Variants in CNTNAP2 observed in about 807,000 individuals in gnomAD.
CNTNAP2 encodes the protein contactin associated protein 2.
CNTNAP2 carries 98 observed loss-of-function variants against 155.2 expected under a neutral mutation model. The ratio of observed to expected loss-of-function variants is 0.63; its 90% confidence interval spans 0.54 to 0.75. The LOEUF (loss-of-function observed/expected upper bound fraction) is 0.75, where lower values mean the gene tolerates loss of function less well. Among genes scored for constraint, CNTNAP2 ranks in the 30% least tolerant of loss-of-function variants. The pLI, the probability that CNTNAP2 is intolerant of heterozygous loss-of-function variation, is 0.00. For synonymous variants in CNTNAP2, 651 were observed against 631.2 expected (o/e 1.03, Z -0.47); for missense variants, 1,727 against 1,688.1 (o/e 1.02, Z -0.40).
chr7:146,346,483 A>G (rs1269069826), intron 1 of CNTNAP2, among the ~76,000 whole-genome samples: 1 of 152,168 alleles, frequency 6.6e-6, no homozygotes, highest in Non-Finnish European at 1.5e-5. Context: ...GGAGTTCAAA[A>G]TCAGCCTGAC....
chr7:146,712,171 A>T (rs140193492), intron 1 of CNTNAP2, among the ~76,000 whole-genome samples: 10,622 of 100,280 alleles, frequency 0.11, 2,401 homozygotes, highest in African/African-American at 0.49. Context: ...TATGTATACA[A>T]ATATGTATAC....
At chr7:147,746,063 T>A (rs1797037813) in intron 13 of CNTNAP2, among the ~76,000 whole-genome samples, 2 of 152,190 alleles carry the variant, frequency 1.3e-5, no homozygotes, top group Non-Finnish European at 2.9e-5. Context: ...CAGGGTCAAA[T>A]ATGCAGGTTC....
intron 2 of CNTNAP2, among the ~76,000 whole-genome samples, chr7:146,834,640 A>G (rs145113864): frequency 9.2e-5 from 14 of 152,322 alleles, no homozygotes; most frequent in African/African-American, 3.4e-4. Flanking sequence ...TTACTTCAAC[A>G]ATACACTAGT....
chr7:147,365,247 T>C (rs1275687086), intron 9 of CNTNAP2, among the ~76,000 whole-genome samples: 1 of 151,584 alleles, frequency 6.6e-6, no homozygotes, highest in Non-Finnish European at 1.5e-5. Flanking sequence ...CTACTACAAA[T>C]ACAGAAATTA....
At chr7:147,175,184 C>T (rs1554446987) in intron 8 of CNTNAP2, among the ~76,000 whole-genome samples, 1 of 152,074 alleles carries the variant, frequency 6.6e-6, no homozygotes. Flanking sequence ...TGTCTTAAAT[C>T]ACCCAGGATT....
chr7:146,606,954 G>A (rs1171546089), intron 1 of CNTNAP2, among the ~76,000 whole-genome samples: 7 of 152,102 alleles, frequency 4.6e-5, no homozygotes, highest in Non-Finnish European at 7.4e-5. Context: ...TAGTCATAAA[G>A]TATACAGCAG....
intron 15 of CNTNAP2, among the ~76,000 whole-genome samples, chr7:148,078,013 T>C (rs1025560258): frequency 2.6e-5 from 4 of 152,216 alleles, no homozygotes; most frequent in Non-Finnish European, 5.9e-5. Flanking sequence ...TTAATTTTAA[T>C]AGAGTATGGT....
intron 11 of CNTNAP2, among the ~76,000 whole-genome samples, chr7:147,552,743 A>G (rs2116768181): frequency 6.6e-6 from 1 of 152,298 alleles, no homozygotes; most frequent in South Asian, 2.1e-4. Context: ...AGTAGAAACA[A>G]TTCAGCACAA....
intron 12 of CNTNAP2, among the ~76,000 whole-genome samples, chr7:147,624,330 G>A (rs532137585): frequency 1.6e-4 from 24 of 152,040 alleles, no homozygotes; most frequent in South Asian, 2.1e-4. Context: ...CCCACATAAT[G>A]GGAGAAAATA....
At chr7:148,029,070 C>T (rs1802421689) in intron 15 of CNTNAP2, among the ~76,000 whole-genome samples, 1 of 150,136 alleles carries the variant, frequency 6.7e-6, no homozygotes, top group South Asian at 2.1e-4. Flanking sequence ...AAAGATTGTG[C>T]CCTACCAGAA....
intron 1 of CNTNAP2, among the ~76,000 whole-genome samples, chr7:146,193,549 G>T (rs763525095): frequency 1.2e-4 from 18 of 152,318 alleles, no homozygotes; most frequent in Non-Finnish European, 2.5e-4. Context: ...CATGGCTGGA[G>T]CAGCTGGGGC....
At position 147,575,184 on chromosome 7, in the gene CNTNAP2, A is replaced by ATGTG. The variant is rs137975569; in HGVS notation, c.1897+12943_1897+12946dup. Among the ~76,000 whole-genome samples the ATGTG allele has an allele frequency of 3.2e-3, 54 of 17,076 alleles. 1 individual carries two copies. The highest frequency in any genetic ancestry group is 5.3e-3 in the Admixed American group (8 of 1,504). The allele number at this position is 17,076 out of a possible 152,430, so 11.2% of individuals were successfully genotyped here. A position where few individuals can be genotyped will look rare whatever the true frequency, so the allele number is the denominator to read the frequency against. ...TAGCTTTAGGAGTATGCATATGTGT[A>ATGTG]TGTGTGTGTGTGTGTGTGTATTCCC... On this transcript the variant is annotated intron_variant, in intron 12 of 23. Coordinates refer to ENST00000361727, the MANE Select transcript of CNTNAP2 (RefSeq NM_014141.6).
At chr7:147,386,016 A>G (rs1796619588) in intron 9 of CNTNAP2, among the ~76,000 whole-genome samples, 1 of 152,166 alleles carries the variant, frequency 6.6e-6, no homozygotes, top group South Asian at 2.1e-4. Context: ...CAGGCTCAAT[A>G]CCACATGGAA....
chr7:147,614,784 C>A (rs1041708364), intron 12 of CNTNAP2, among the ~76,000 whole-genome samples: 17 of 67,576 alleles, frequency 2.5e-4, no homozygotes, highest in Non-Finnish European at 5.2e-4. Flanking sequence ...TACTCTTTTA[C>A]ACATATATAG....
At chr7:147,892,052 G>A (rs563420541) in intron 13 of CNTNAP2, among the ~76,000 whole-genome samples, 1 of 152,000 alleles carries the variant, frequency 6.6e-6, no homozygotes, top group South Asian at 2.1e-4. Flanking sequence ...ATTTTAATAA[G>A]AGCAGACAAA....
intron 1 of CNTNAP2, among the ~76,000 whole-genome samples, chr7:146,680,874 C>G (rs1299341079): frequency 6.6e-6 from 1 of 152,146 alleles, no homozygotes. Context: ...TTCACTGCAT[C>G]TATTATTTAT....
In CNTNAP2 at chr7:147,395,070, A is replaced by G. The variant is rs145322203; in HGVS notation, c.1499-539A>G. 3.1e-4 allele frequency among the ~76,000 whole-genome samples: 47 copies of G among 152,108 alleles called. 1 individual carries two copies. The highest frequency in any genetic ancestry group is 1.1e-3 in the African/African-American group (46 of 41,540). On this transcript the variant is annotated intron_variant, in intron 9 of 23. Transcript: ENST00000361727. Reference sequence around the variant, plus strand: ...TAGATTTTATAAATTAAAAAAAGGCATCTATAATGCAAATATCTCTTTGTA... The same window carrying G: ...TAGATTTTATAAATTAAAAAAAGGCGTCTATAATGCAAATATCTCTTTGTA...
At chr7:146,862,930 C>T (rs1795132988) in intron 3 of CNTNAP2, among the ~76,000 whole-genome samples, 1 of 152,128 alleles carries the variant, frequency 6.6e-6, no homozygotes, top group African/African-American at 2.4e-5. Flanking sequence ...GTGTTATAGT[C>T]ACTTTTGTGC....
At chr7:146,956,718 G>A (rs1797445544) in intron 3 of CNTNAP2, among the ~76,000 whole-genome samples, 1 of 152,080 alleles carries the variant, frequency 6.6e-6, no homozygotes, top group African/African-American at 2.4e-5. Flanking sequence ...AGAAGTACAA[G>A]TCTCCTTGCT....
Sources: gnomAD v4.1 joint callset for allele counts (sites outside exome capture counted in the v4.1 genomes callset) on GRCh38, gnomAD v4.1.1 for gene constraint, MANE v1.5 for transcripts, NCBI Gene and HGNC (gene_info 2026-07-23, HGNC 2026-07-21) for gene names.